ARID2: variants seen among roughly 807,000 people sequenced by gnomAD.
ARID2 encodes the protein AT-rich interactive domain-containing protein 2.
Under a neutral mutation model 184.6 loss-of-function variants are expected in ARID2, and 32 were observed. The observed-to-expected ratio is 0.17, with a 90% CI of 0.13 to 0.23. The LOEUF (loss-of-function observed/expected upper bound fraction) is 0.23. ARID2 is among the 10% of genes least tolerant of loss of function. ARID2 has a pLI of 1.00. For missense variants in ARID2, 1,696 were observed against 2,197.6 expected (o/e 0.77, Z 4.56); for synonymous variants, 836 against 772.6 (o/e 1.08, Z -1.36).
intron 10 of ARID2, among the ~76,000 whole-genome samples, chr12:45,838,192 T>C (rs1943256192): frequency 2.0e-5 from 3 of 152,242 alleles, no homozygotes; most frequent in African/African-American, 7.2e-5. Context: ...TGTTTCCTTC[T>C]GTTCCTAGAA....
chr12:45,877,649 AC>A (rs1427041607), intron 16 of ARID2, among the ~76,000 whole-genome samples: 2 of 152,158 alleles, frequency 1.3e-5, no homozygotes, highest in Admixed American at 6.5e-5. Flanking sequence ...GGTCCCTGGT[AC>A]CAAAAAAGGT....
intron 3 of ARID2, among the ~76,000 whole-genome samples, chr12:45,798,951 T>A (rs1044953648): frequency 6.6e-6 from 1 of 151,718 alleles, no homozygotes. Flanking sequence ...TATATACTTA[T>A]AATTAAGTGA....
intron 3 of ARID2, among the ~76,000 whole-genome samples, chr12:45,767,518 G>T (rs1215626354): frequency 6.6e-6 from 1 of 152,120 alleles, no homozygotes; most frequent in African/African-American, 2.4e-5. Context: ...GGCAGGAATG[G>T]CAGGTCACCA....
At chr12:45,751,170 G>C (rs932500648) in intron 3 of ARID2, among the ~76,000 whole-genome samples, 6 of 152,114 alleles carry the variant, frequency 3.9e-5, no homozygotes, top group African/African-American at 1.2e-4. Context: ...TGCTTGAGTA[G>C]GGTGTTAAAT....
At chr12:45,893,397 C>T (rs1299555403) in intron 18 of ARID2, 23 bp from the exon 19 acceptor site, 7 of 1,597,652 alleles carry the variant, frequency 4.4e-6, no homozygotes, top group Non-Finnish European at 6.0e-6. Flanking sequence ...TTCTCTCTCT[C>T]TCTCTCTCTC....
At chr12:45,819,028 G>T (rs2138095580) in intron 5 of ARID2, among the ~76,000 whole-genome samples, 1 of 152,072 alleles carries the variant, frequency 6.6e-6, no homozygotes, top group Non-Finnish European at 1.5e-5. Flanking sequence ...ATTCTATTTT[G>T]ATCTTCCAAA....
intron 3 of ARID2, among the ~76,000 whole-genome samples, chr12:45,810,686 C>G (rs551248494): frequency 3.9e-5 from 6 of 152,198 alleles, no homozygotes; most frequent in African/African-American, 1.2e-4. Flanking sequence ...AAAATATACT[C>G]AGGTTTGCAC....
chr12:45,748,542 G>T (rs1941400638), intron 3 of ARID2, among the ~76,000 whole-genome samples: 1 of 152,034 alleles, frequency 6.6e-6, no homozygotes, highest in East Asian at 1.9e-4. Flanking sequence ...CTGAAGATTG[G>T]GGTGGATGTG....
In ARID2 at chr12:45,848,978, C is replaced by T. The variant is rs1005109279; in HGVS notation, c.1715+8C>T. 5 of 1,605,320 alleles carry T rather than the reference C, an allele frequency of 3.1e-6. No homozygotes were observed. In the Middle Eastern group the frequency reaches 5.2e-4, roughly 166 times the overall value. Reference sequence around the variant, plus strand: ...ATTTTATAAATGTCTTAGGTAGGATCCATAGTTCTTTAAATAAAGTCCATT... The same window carrying T: ...ATTTTATAAATGTCTTAGGTAGGATTCATAGTTCTTTAAATAAAGTCCATT... On this transcript the variant is annotated splice_region_variant and intron_variant, in intron 13 of 20. Transcript: ENST00000334344.
intron 3 of ARID2, among the ~76,000 whole-genome samples, chr12:45,759,584 T>A (rs1941635826): frequency 6.6e-6 from 1 of 152,114 alleles, no homozygotes; most frequent in Non-Finnish European, 1.5e-5. Flanking sequence ...TAGAGGAAAA[T>A]ATGTATATTC....
chr12:45,786,001 G>T (rs1421501996), intron 3 of ARID2, among the ~76,000 whole-genome samples: 2 of 152,114 alleles, frequency 1.3e-5, no homozygotes, highest in African/African-American at 4.8e-5. Context: ...GCTGATGTAG[G>T]CTATAGAGAG....
chr12:45,758,608 T>C (rs1375411901), intron 3 of ARID2, among the ~76,000 whole-genome samples: 2 of 152,204 alleles, frequency 1.3e-5, no homozygotes, highest in Admixed American at 1.3e-4. Context: ...TTCTCTCTGA[T>C]ATAACAGTCC....
intron 3 of ARID2, among the ~76,000 whole-genome samples, chr12:45,807,838 ATTTC>A (rs1190112167): frequency 6.6e-6 from 1 of 152,100 alleles, no homozygotes. Context: ...AACCTAATTT[ATTTC>A]TTTGTCTACT....
intron 6 of ARID2, among the ~76,000 whole-genome samples, chr12:45,831,048 A>T (rs1461015815): frequency 6.6e-6 from 1 of 152,062 alleles, no homozygotes; most frequent in Non-Finnish European, 1.5e-5. Flanking sequence ...CTGTCAAAAA[A>T]AAAAAAAAAG....
chr12:45,790,156 T>C (rs914983624), intron 3 of ARID2, among the ~76,000 whole-genome samples: 2 of 152,182 alleles, frequency 1.3e-5, no homozygotes, highest in South Asian at 2.1e-4. Context: ...CTTTAAAGTT[T>C]ATTAGTACTT....
chr12:45,763,424 C>A (rs988047816), intron 3 of ARID2, among the ~76,000 whole-genome samples: 1 of 151,692 alleles, frequency 6.6e-6, no homozygotes, highest in Non-Finnish European at 1.5e-5. Context: ...GAGCCAAGAC[C>A]GCTCCATTCC....
At chr12:45,887,282 G>C (rs1283708677) in intron 16 of ARID2, among the ~76,000 whole-genome samples, 3 of 152,132 alleles carry the variant, frequency 2.0e-5, no homozygotes, top group Non-Finnish European at 4.4e-5. Flanking sequence ...CAGTGACTGA[G>C]AGAAAAGTGT....
At chr12:45,874,831 T>C (rs568705105) in intron 16 of ARID2, among the ~76,000 whole-genome samples, 1 of 152,268 alleles carries the variant, frequency 6.6e-6, no homozygotes, top group African/African-American at 2.4e-5. Context: ...GGAACAAGAG[T>C]TGAAAGTTGA....
At chr12:45,861,590 T>C (rs1238461534) in intron 16 of ARID2, among the ~76,000 whole-genome samples, 1 of 149,246 alleles carries the variant, frequency 6.7e-6, no homozygotes, top group Non-Finnish European at 1.5e-5. Flanking sequence ...CTTTTTTTTT[T>C]TTTTTTTTTT....
Sources: allele counts gnomAD v4.1 joint callset (sites outside exome capture counted in the v4.1 genomes callset), GRCh38; gene constraint gnomAD v4.1.1; transcripts MANE v1.5; gene names NCBI Gene and HGNC (gene_info 2026-07-23, HGNC 2026-07-21).